DMXL1: variants seen among roughly 807,000 people sequenced by gnomAD.
The protein encoded by DMXL1 is dmX-like protein 1.
Under a neutral mutation model 319.2 loss-of-function variants are expected in DMXL1, and 99 were observed. That is an observed-to-expected ratio of 0.31 (90% CI 0.26 to 0.37). The LOEUF is 0.37. DMXL1 is among the 10% of genes least tolerant of loss of function. The probability of loss-of-function intolerance (pLI) is 1.00; values close to 1 mark genes in which losing one functional copy is unlikely to be tolerated. For synonymous variants in DMXL1, 1,385 were observed against 1,235.2 expected, an observed-to-expected ratio of 1.12 and a Z score of -2.54; for missense variants, 3,745 against 3,595.6, an observed-to-expected ratio of 1.04 and a Z score of -1.06.
intron 32 of DMXL1, among the ~76,000 whole-genome samples, chr5:119,202,531 T>G (rs998377820): frequency 1.3e-5 from 2 of 152,100 alleles, no homozygotes; most frequent in Non-Finnish European, 2.9e-5. Context: ...ATATAACTAT[T>G]TAACACAAAC....
intron 34 of DMXL1, among the ~76,000 whole-genome samples, chr5:119,216,465 G>A (rs1783722722): frequency 6.6e-6 from 1 of 152,120 alleles, no homozygotes; most frequent in Admixed American, 6.5e-5. Context: ...TTTTTAAAGG[G>A]TTTGGAAAAA....
intron 37 of DMXL1, among the ~76,000 whole-genome samples, chr5:119,222,027 A>G (rs182681855): frequency 8.1e-4 from 123 of 152,202 alleles, no homozygotes; most frequent in African/African-American, 2.8e-3. Context: ...TAAGTACTGT[A>G]GAATGCTTTC....
chr5:119,157,872 T>G (rs187561437), intron 19 of DMXL1, among the ~76,000 whole-genome samples: 189 of 152,338 alleles, frequency 1.2e-3, no homozygotes, highest in Non-Finnish European at 2.4e-3. Context: ...CATCAGTATT[T>G]TGATAGAGAT....
intron 1 of DMXL1, among the ~76,000 whole-genome samples, chr5:119,092,365 T>A (rs991519940): frequency 3.3e-5 from 5 of 152,128 alleles, no homozygotes; most frequent in African/African-American, 4.8e-5. Context: ...AGCGATCTTT[T>A]CTCCTTAGCC....
At chr5:119,150,757 A>G (rs1166287613) in intron 18 of DMXL1, among the ~76,000 whole-genome samples, 3 of 151,980 alleles carry the variant, frequency 2.0e-5, no homozygotes, top group African/African-American at 7.2e-5. Context: ...CCACTGCACT[A>G]CAGCCTGGAC....
chr5:119,134,503 TC>T, intron 13 of DMXL1, 114 bp downstream of exon 13: 1 of 935,802 alleles, frequency 1.1e-6, no homozygotes, highest in Non-Finnish European at 1.5e-6. Context: ...AGCATTTGTA[TC>T]TTTGTTTTAT....
At chr5:119,088,004 G>A (rs2149722862) in intron 1 of DMXL1, among the ~76,000 whole-genome samples, 1 of 152,178 alleles carries the variant, frequency 6.6e-6, no homozygotes, top group East Asian at 1.9e-4. Flanking sequence ...GTTTCACCAT[G>A]TTGGCTAGAC....
chr5:119,146,677 A>G (rs1023110121), intron 15 of DMXL1, among the ~76,000 whole-genome samples, 160 bp from the exon 16 acceptor site: 1 of 152,122 alleles, frequency 6.6e-6, no homozygotes, highest in Non-Finnish European at 1.5e-5. Context: ...TTCATGTGGT[A>G]AAGGATTTGA....
chr5:119,207,428 G>A (rs1266106005), intron 34 of DMXL1, among the ~76,000 whole-genome samples: 1 of 152,102 alleles, frequency 6.6e-6, no homozygotes, highest in African/African-American at 2.4e-5. Context: ...AAGTACTCAT[G>A]GTACTTGAGA....
chr5:119,092,769 A>T (rs111871833), intron 1 of DMXL1, among the ~76,000 whole-genome samples: 1 of 152,240 alleles, frequency 6.6e-6, no homozygotes, highest in Non-Finnish European at 1.5e-5. Flanking sequence ...GACATTTCAT[A>T]TAAGTGAAAT....
intron 19 of DMXL1, among the ~76,000 whole-genome samples, chr5:119,162,570 AT>A: frequency 6.6e-6 from 1 of 152,178 alleles, no homozygotes; most frequent in East Asian, 1.9e-4. Flanking sequence ...TGTTAATCCC[AT>A]TCACGAGGGC....
chr5:119,166,812 A>G, intron 22 of DMXL1, 31 bp downstream of exon 22: 1 of 1,552,450 alleles, frequency 6.4e-7, no homozygotes. Flanking sequence ...AACAAAGTAT[A>G]GCAATGTCAT....
At position 119,147,362 on chromosome 5, in the gene DMXL1, G is replaced by A; in HGVS notation, c.2803G>A (p.Ala935Thr). Residue 935 changes from alanine to threonine, a missense_variant, in exon 17 of 44, where the codon GCA becomes ACA. Transcript: ENST00000539542. ...TTCACAAAAGTATCAGGCTTGCAGA[G>A]CAAATCTCCAGAGTACCAGCAGGTT... is the stretch of plus-strand genomic sequence containing the variant. ...PFSQKYQACR[A>T]NLQSTSRLTL... is the part of the protein sequence containing the mutation. 1 of 1,613,490 alleles carries A rather than the reference G, an allele frequency of 6.2e-7. No individual in the cohort carries two copies. Among genetic ancestry groups the A allele is most frequent in the Non-Finnish European group, 8.5e-7 (1 of 1,179,682 alleles).
chr5:119,134,197 A>C lies in DMXL1; in HGVS notation c.2254+19A>C. 3 of 1,607,332 alleles carry C rather than the reference A, an allele frequency of 1.9e-6. No individual in the cohort carries two copies. Among genetic ancestry groups the C allele is most frequent in the Non-Finnish European group, 2.5e-6 (3 of 1,177,420 alleles). ...TGTCTGGGTAAGTATTCTGGTTTTT[A>C]TTACAGTAATTTAGATTTGCTGACA... is the stretch of plus-strand genomic sequence containing the variant. On this transcript the variant is annotated intron_variant, in intron 12 of 43. Coordinates refer to ENST00000539542, the MANE Select transcript of DMXL1 (RefSeq NM_001290321.3).
At chr5:119,203,563 T>G (rs1781205763) in intron 33 of DMXL1, 127 bp downstream of exon 33, 1 of 406,588 alleles carries the variant, frequency 2.5e-6, no homozygotes, top group African/African-American at 2.1e-5. Context: ...AGGCAATTAA[T>G]GCTTAGAACA....
chr5:119,226,762 G>A (rs143657596), intron 38 of DMXL1, among the ~76,000 whole-genome samples: 107 of 152,272 alleles, frequency 7.0e-4, no homozygotes, highest in African/African-American at 2.5e-3. Flanking sequence ...AGTGCCCACA[G>A]CTCCCTCCTT....
intron 34 of DMXL1, among the ~76,000 whole-genome samples, chr5:119,215,606 A>G (rs545616377): frequency 3.9e-5 from 6 of 152,224 alleles, no homozygotes; most frequent in African/African-American, 1.4e-4. Flanking sequence ...TGCTGGGATT[A>G]TAGGCGTGAG....
At chr5:119,171,487 G>C (rs1057384455) in intron 24 of DMXL1, among the ~76,000 whole-genome samples, 2 of 147,586 alleles carry the variant, frequency 1.4e-5, no homozygotes, top group African/African-American at 5.0e-5. Flanking sequence ...CTTATGACCT[G>C]CTTAATTCAC....
chr5:119,146,085 T>C (rs1032695275), intron 15 of DMXL1, among the ~76,000 whole-genome samples: 3 of 151,924 alleles, frequency 2.0e-5, no homozygotes, highest in Non-Finnish European at 4.4e-5. Context: ...TTACCTTTTT[T>C]AATTTTTTTG....
Sources: gnomAD v4.1 joint callset for allele counts (sites outside exome capture counted in the v4.1 genomes callset) on GRCh38, gnomAD v4.1.1 for gene constraint, MANE v1.5 for transcripts, NCBI Gene and HGNC (gene_info 2026-07-23, HGNC 2026-07-21) for gene names.